VSTM4: variants seen among roughly 807,000 people sequenced by gnomAD.
VSTM4 encodes the protein V-set and transmembrane domain containing 4.
In VSTM4, 20 loss-of-function variants were observed where a neutral mutation model predicts 36.4. The observed-to-expected ratio is 0.55, with a 90% confidence interval of 0.39 to 0.80. The LOEUF is 0.80. Among genes scored for constraint, VSTM4 ranks in the 30% least tolerant of loss-of-function variants. The probability of loss-of-function intolerance (pLI) is 0.00; values close to 1 mark genes in which losing one functional copy is unlikely to be tolerated. For synonymous variants in VSTM4, 182 were observed against 173.9 expected (o/e 1.05, Z -0.37); for missense variants, 392 against 404.5 (o/e 0.97, Z 0.26).
intron 3 of VSTM4, among the ~76,000 whole-genome samples, chr10:49,080,318 A>T (rs1418419584): frequency 6.6e-6 from 1 of 152,246 alleles, no homozygotes; most frequent in Non-Finnish European, 1.5e-5. Context: ...GGTCAGGCTT[A>T]TGGTTAATGA....
At chr10:49,080,442 TC>T (rs1361894995) in intron 3 of VSTM4, among the ~76,000 whole-genome samples, 2 of 152,246 alleles carry the variant, frequency 1.3e-5, no homozygotes, top group Non-Finnish European at 2.9e-5. Flanking sequence ...GTCTATGAGA[TC>T]TTCCTGTGTT....
chr10:49,019,677 C>G lies in VSTM4; in HGVS notation c.936G>C (p.Gln312His). 1 of 1,613,256 alleles carries G rather than the reference C, an allele frequency of 6.2e-7. No individual in the cohort carries two copies. The highest frequency in any genetic ancestry group is 8.5e-7 in the Non-Finnish European group (1 of 1,179,546). ...ACAGCTTGTTCTCCTCGAAGAGGAT[C>G]TGGGCGTAGACAGTGCTGGTGGGGG... ...KGAPTSTVYA[Q>H]ILFEENKL Residue 312 changes from glutamine (Q) to histidine (H), a missense_variant, in exon 8 of 8, where the codon CAG becomes CAC. Coordinates refer to ENST00000332853, the MANE Select transcript of VSTM4 (RefSeq NM_001031746.5).
intron 7 of VSTM4, among the ~76,000 whole-genome samples, chr10:49,041,052 C>T (rs1217781192): frequency 1.3e-5 from 2 of 152,208 alleles, no homozygotes; most frequent in Non-Finnish European, 2.9e-5. Flanking sequence ...TTGTGTGAGT[C>T]AACAGGTGGC....
intron 5 of VSTM4, among the ~76,000 whole-genome samples, chr10:49,050,947 T>C (rs35311796): frequency 0.094 from 14,355 of 152,204 alleles, 925 homozygotes; most frequent in East Asian, 0.21. Flanking sequence ...GGAAGATAGA[T>C]TTCCCTTATA....
Position 49,115,470 on chromosome 10 carries a change from G to T in VSTM4, c.16C>A (p.Leu6Met). The change falls in exon 1 of 8, where the codon CTG becomes ATG. Residue 6 changes from leucine (L) to methionine (M), a missense_variant. Physicochemically the swap from Leu to Met is conservative, Grantham distance 15. Transcript: ENST00000332853. ...CGCGCCAGCAGCGCGGCCGCCGCCAGTGCCAGCAGCCGCATCTCCCCGCCG... is the reference window on the plus strand; with the variant it reads ...CGCGCCAGCAGCGCGGCCGCCGCCATTGCCAGCAGCCGCATCTCCCCGCCG... MRLLALAAAALLARAP... is the reference protein window; with the variant it reads MRLLAMAAAALLARAP... 9 of 1,034,592 alleles carry T rather than the reference G, an allele frequency of 8.7e-6. No homozygotes were observed. The highest frequency in any genetic ancestry group is 7.0e-6 in the Non-Finnish European group (6 of 857,538). 64.1% of individuals were successfully genotyped at this position (1,034,592 alleles called of 1,614,324 possible).
chr10:49,072,061 A>C (rs1844089005), intron 4 of VSTM4, among the ~76,000 whole-genome samples: 1 of 152,250 alleles, frequency 6.6e-6, no homozygotes, highest in South Asian at 2.1e-4. Flanking sequence ...AGAGTGTTGC[A>C]GGTTTTAGTG....
chr10:49,030,829 T>A (rs2254393), intron 7 of VSTM4, among the ~76,000 whole-genome samples: 2 of 152,132 alleles, frequency 1.3e-5, no homozygotes, highest in South Asian at 4.1e-4. Context: ...TCGTTCAAGT[T>A]TCTACAAGTT....
chr10:49,093,950 T>C (rs754074129), intron 2 of VSTM4, among the ~76,000 whole-genome samples: 3 of 152,046 alleles, frequency 2.0e-5, no homozygotes, highest in East Asian at 1.9e-4. Flanking sequence ...GGTTTCACCA[T>C]GTTAGCCAGG....
At chr10:49,024,712 A>G (rs1313646218) in intron 7 of VSTM4, among the ~76,000 whole-genome samples, 1 of 152,208 alleles carries the variant, frequency 6.6e-6, no homozygotes, top group Non-Finnish European at 1.5e-5. Context: ...TCAGTGTTTC[A>G]GTGGCATCAC....
chr10:49,066,206 T>C (rs920304311), intron 4 of VSTM4, among the ~76,000 whole-genome samples: 32 of 152,164 alleles, frequency 2.1e-4, no homozygotes, highest in African/African-American at 7.5e-4. Context: ...ACTTTTAACA[T>C]CACCCTTTTC....
rs1406171082 is a variant in VSTM4, at chr10:49,057,294, T to C, written c.668+7409A>G. On this transcript the variant is annotated intron_variant, in intron 5 of 7. Coordinates refer to ENST00000332853, the MANE Select transcript of VSTM4 (RefSeq NM_001031746.5). The stretch of plus-strand genomic sequence containing the variant: ...TAATCATTGGCAGTTTCATCCATGC[T>C]CTTAGTCTGAGGAAACCAACTGTGC... Among the ~76,000 whole-genome samples, 14 of 152,344 alleles carry C rather than the reference T, an allele frequency of 9.2e-5. 1 individual carries two copies. The South Asian group carries it at 2.3e-3, about 25-fold the overall frequency.
chr10:49,055,764 A>C (rs1309802690), intron 5 of VSTM4, among the ~76,000 whole-genome samples: 9 of 152,200 alleles, frequency 5.9e-5, no homozygotes, highest in Admixed American at 5.9e-4. Context: ...ACTCACAGGG[A>C]CCCTTTGAAA....
At chr10:49,090,261 C>T (rs753710406) in intron 2 of VSTM4, among the ~76,000 whole-genome samples, 3 of 152,210 alleles carry the variant, frequency 2.0e-5, no homozygotes, top group Non-Finnish European at 4.4e-5. Context: ...CCCATTCTGC[C>T]GTACTGGGCT....
intron 2 of VSTM4, 22 bp downstream of exon 2, chr10:49,107,572 C>A: frequency 6.3e-7 from 1 of 1,584,748 alleles, no homozygotes; most frequent in South Asian, 1.2e-5. Context: ...CCACCTCTAC[C>A]CAGGGAGACC....
intron 7 of VSTM4, among the ~76,000 whole-genome samples, chr10:49,030,402 C>T (rs938340424): frequency 5.9e-5 from 9 of 152,172 alleles, no homozygotes; most frequent in Non-Finnish European, 1.2e-4. Flanking sequence ...CTCTCGGAGG[C>T]ACCAAACGCC....
chr10:49,033,941 TCATTATCACCATTAC>T (rs1843385673), intron 7 of VSTM4, among the ~76,000 whole-genome samples: 2 of 151,070 alleles, frequency 1.3e-5, no homozygotes, highest in Admixed American at 6.6e-5. Context: ...ATCACTACCA[TCATTATCACCATTAC>T]CATTATCACC....
intron 7 of VSTM4, among the ~76,000 whole-genome samples, chr10:49,029,731 C>T (rs908553090): frequency 1.3e-5 from 2 of 152,206 alleles, no homozygotes; most frequent in Non-Finnish European, 2.9e-5. Context: ...GGTTTTGGAA[C>T]AATCCCACAC....
At chr10:49,053,578 A>G (rs1395074994) in intron 5 of VSTM4, among the ~76,000 whole-genome samples, 1 of 152,208 alleles carries the variant, frequency 6.6e-6, no homozygotes, top group African/African-American at 2.4e-5. Flanking sequence ...AGCCTAAATT[A>G]GATGGGGTGT....
At chr10:49,107,477 A>T (rs1438631268) in intron 2 of VSTM4, 117 bp downstream of exon 2, 1 of 1,339,542 alleles carries the variant, frequency 7.5e-7, no homozygotes, top group African/African-American at 1.5e-5. Context: ...ACAGAGGCCC[A>T]CAAGATATGT....
Sources: allele counts gnomAD v4.1 joint callset (sites outside exome capture counted in the v4.1 genomes callset), GRCh38; gene constraint gnomAD v4.1.1; transcripts MANE v1.5; gene names NCBI Gene and HGNC (gene_info 2026-07-23, HGNC 2026-07-21).